Variants in THADA observed in about 807,000 individuals in gnomAD.
The protein encoded by THADA is tRNA (32-2'-O)-methyltransferase regulator THADA.
In THADA, 213 loss-of-function variants were observed where a neutral mutation model predicts 219.8. That is an observed-to-expected ratio of 0.97 (90% CI 0.87 to 1.09). THADA has a LOEUF of 1.09. Among genes scored for constraint, THADA ranks in the 50% least tolerant of loss-of-function variants. THADA has a pLI of 0.00. For synonymous variants in THADA, 1,018 were observed against 828.9 expected, an observed-to-expected ratio of 1.23 and a Z score of -3.92; for missense variants, 2,956 against 2,311.3, an observed-to-expected ratio of 1.28 and a Z score of -5.72.
chr2:43,379,837 T>C (rs901267123), intron 29 of THADA, among the ~76,000 whole-genome samples: 4 of 152,202 alleles, frequency 2.6e-5, no homozygotes, highest in Admixed American at 2.0e-4. Flanking sequence ...GGTATATCCA[T>C]AAAATGAAAC....
At chr2:43,533,929 T>C (rs1694223362) in intron 21 of THADA, among the ~76,000 whole-genome samples, 1 of 152,216 alleles carries the variant, frequency 6.6e-6, no homozygotes, top group Middle Eastern at 3.4e-3. Flanking sequence ...CAAAAAACTC[T>C]TGTTTGCAGG....
chr2:43,439,801 T>C (rs1680612098), intron 26 of THADA, among the ~76,000 whole-genome samples: 2 of 152,340 alleles, frequency 1.3e-5, no homozygotes, highest in Middle Eastern at 3.4e-3. Context: ...GGAAGACTAC[T>C]GTAATGTTCT....
intron 36 of THADA, among the ~76,000 whole-genome samples, chr2:43,269,690 G>C (rs2104259318): frequency 6.6e-6 from 1 of 152,344 alleles, no homozygotes; most frequent in South Asian, 2.1e-4. Context: ...GAATAAATAA[G>C]AAAACAGATA....
intron 26 of THADA, among the ~76,000 whole-genome samples, chr2:43,474,958 T>C (rs532696053): frequency 2.8e-4 from 42 of 152,032 alleles, no homozygotes; most frequent in Non-Finnish European, 4.4e-5. Context: ...AGAGGCAGTA[T>C]ATGCTGAAAA....
At chr2:43,515,915 T>C (rs1691665537) in intron 22 of THADA, among the ~76,000 whole-genome samples, 1 of 152,034 alleles carries the variant, frequency 6.6e-6, no homozygotes, top group Non-Finnish European at 1.5e-5. Flanking sequence ...TGCCCCAAAC[T>C]AAACTCCTGA....
At chr2:43,590,690 A>G in intron 4 of THADA, 134 bp downstream of exon 4, 1 of 881,220 alleles carries the variant, frequency 1.1e-6, no homozygotes, top group East Asian at 2.6e-5. Flanking sequence ...TCAATGAAAC[A>G]GAGAACAAAC....
chr2:43,343,930 G>C (rs1271882065), intron 30 of THADA, 192 bp downstream of exon 30: 8 of 488,152 alleles, frequency 1.6e-5, no homozygotes, highest in Non-Finnish European at 2.6e-5. Context: ...TCACTTAGCA[G>C]TTTTAGAAAA....
chr2:43,556,131 T>C, intron 17 of THADA: 1 of 1,098,284 alleles, frequency 9.1e-7, no homozygotes, highest in Admixed American at 3.5e-5. Flanking sequence ...AATATTTGTA[T>C]ATGTACTTAT....
At chr2:43,335,012 G>A (rs893140463) in intron 30 of THADA, among the ~76,000 whole-genome samples, 1 of 152,134 alleles carries the variant, frequency 6.6e-6, no homozygotes, top group African/African-American at 2.4e-5. Flanking sequence ...GAGGCAATGG[G>A]GATGGGACTG....
At chr2:43,341,553 C>A (rs1667062725) in intron 30 of THADA, among the ~76,000 whole-genome samples, 1 of 152,168 alleles carries the variant, frequency 6.6e-6, no homozygotes, top group African/African-American at 2.4e-5. Context: ...TCTCCTCCAT[C>A]TCATCCAACA....
chr2:43,231,346 A>G lies in THADA; in HGVS notation c.5467-3T>C, dbSNP rs2288621. On this transcript the variant is annotated splice_polypyrimidine_tract_variant and splice_region_variant and intron_variant, in intron 37 of 37. Coordinates refer to ENST00000405975, the MANE Select transcript of THADA (RefSeq NM_022065.5). ...TCAAACAGGTAGTCTTCTTCCACCT[A>G]AATCAGATGAAAAAGCCGAAAGTCA... 1.3e-6 allele frequency: 2 copies of G among 1,517,398 alleles called. No homozygotes were observed. 94.0% of individuals were successfully genotyped at this position (1,517,398 alleles called of 1,614,324 possible). A position where few individuals can be genotyped will look rare whatever the true frequency, so the allele number is the denominator to read the frequency against.
At chr2:43,581,591 G>C (rs1574359151) in intron 8 of THADA, 150 bp downstream of exon 8, 1 of 617,804 alleles carries the variant, frequency 1.6e-6, no homozygotes, top group Non-Finnish European at 2.6e-6. Context: ...ATGTAGTCCA[G>C]GGCCTCCCTC....
intron 33 of THADA, 151 bp from the exon 34 acceptor site, chr2:43,291,919 C>T (rs894185415): frequency 1.5e-5 from 12 of 794,400 alleles, no homozygotes; most frequent in Non-Finnish European, 2.2e-5. Flanking sequence ...AAGCAATTAC[C>T]TTTTGGTTAT....
chr2:43,496,336 T>C (rs148815408), intron 25 of THADA, among the ~76,000 whole-genome samples: 83 of 152,326 alleles, frequency 5.4e-4, no homozygotes, highest in African/African-American at 1.7e-3. Context: ...AATCCAACAA[T>C]TGTACTGGGT....
chr2:43,488,927 G>C (rs1486004132), intron 25 of THADA, among the ~76,000 whole-genome samples: 5 of 152,136 alleles, frequency 3.3e-5, no homozygotes, highest in Non-Finnish European at 5.9e-5. Context: ...ATGGTGTTAA[G>C]TATCCTTTTG....
chr2:43,348,737 T>A (rs1667923325), intron 29 of THADA, among the ~76,000 whole-genome samples: 1 of 152,166 alleles, frequency 6.6e-6, no homozygotes, highest in South Asian at 2.1e-4. Flanking sequence ...TCTTTCAAGA[T>A]GGAGATTATA....
At chr2:43,394,949 C>T (rs893521775) in intron 29 of THADA, among the ~76,000 whole-genome samples, 1 of 152,212 alleles carries the variant, frequency 6.6e-6, no homozygotes, top group African/African-American at 2.4e-5. Flanking sequence ...GGGTTTTAAC[C>T]TTTCCACAGG....
chr2:43,531,891 T>C (rs989666436), intron 21 of THADA, among the ~76,000 whole-genome samples: 4 of 152,066 alleles, frequency 2.6e-5, no homozygotes, highest in African/African-American at 9.7e-5. Flanking sequence ...TTAGCAAACT[T>C]GGAAGAGACA....
At position 43,572,951 on chromosome 2, in the gene THADA, T is replaced by G; in HGVS notation, c.1771A>C (p.Arg591=). 2.5e-6 allele frequency: 4 copies of G among 1,613,908 alleles called. No individual in the cohort carries two copies. The highest frequency in any genetic ancestry group is 3.4e-6 in the Non-Finnish European group (4 of 1,179,836). Reference sequence around the variant, plus strand: ...GCCATCAAAGCTCCCAGAGCCCCCCTGCTATTACAAGACCCTAAGGATGGG... The same window carrying G: ...GCCATCAAAGCTCCCAGAGCCCCCCGGCTATTACAAGACCCTAAGGATGGG... ...SFPSLGSCNS[R]GALGALMACL... Residue 591 remains arginine (R), a synonymous_variant, in exon 12 of 38, where the codon AGG becomes CGG. Transcript: ENST00000405975.
Sources: gnomAD v4.1 joint callset for allele counts (sites outside exome capture counted in the v4.1 genomes callset) on GRCh38, gnomAD v4.1.1 for gene constraint, MANE v1.5 for transcripts, NCBI Gene and HGNC (gene_info 2026-07-23, HGNC 2026-07-21) for gene names.